The following DOCK4 variants were observed in gnomAD, a reference collection of about 807,000 sequenced individuals.
The protein encoded by DOCK4 is dedicator of cytokinesis 4, also known as dedicator of cytokinesis protein 4.
A neutral mutation model predicts 268.1 loss-of-function variants in DOCK4; 97 were observed. That is an observed-to-expected ratio of 0.36 (90% CI 0.31 to 0.43). The LOEUF is 0.43. Among genes scored for constraint, DOCK4 ranks in the 20% least tolerant of loss-of-function variants. The probability of loss-of-function intolerance (pLI) is 1.00; values close to 1 mark genes in which losing one functional copy is unlikely to be tolerated. For missense variants in DOCK4, 2,145 were observed against 2,455.7 expected (o/e 0.87, Z 2.67); for synonymous variants, 954 against 887.2 (o/e 1.08, Z -1.34).
chr7:111,876,619 A>C lies in DOCK4; in HGVS notation c.1744+411T>G, dbSNP rs531481077. 3.9e-5 allele frequency among the ~76,000 whole-genome samples: 6 copies of C among 152,322 alleles called. No homozygotes were observed. The East Asian group carries it at 1.2e-3, about 29-fold the overall frequency. ...CATAACTTGCTAAACAATCACTGACATAAAAAGTAATGCTAGAACTGAAAA... is the reference window on the plus strand; with the variant it reads ...CATAACTTGCTAAACAATCACTGACCTAAAAAGTAATGCTAGAACTGAAAA... On this transcript the variant is annotated intron_variant, in intron 17 of 52. Transcript: ENST00000428084.
chr7:111,789,100 A>G (rs1799365874), intron 31 of DOCK4: 1 of 275,294 alleles, frequency 3.6e-6, no homozygotes, highest in Non-Finnish European at 7.1e-6. Flanking sequence ...AAACATCACT[A>G]TATATAAGGA....
intron 1 of DOCK4, among the ~76,000 whole-genome samples, chr7:112,200,926 T>A (rs1820881670): frequency 6.6e-6 from 1 of 152,126 alleles, no homozygotes; most frequent in Admixed American, 6.6e-5. Context: ...GGTATTTTAC[T>A]GGGAGGTATA....
chr7:111,934,140 A>G (rs1419907679), intron 12 of DOCK4, among the ~76,000 whole-genome samples: 1 of 152,228 alleles, frequency 6.6e-6, no homozygotes, highest in Non-Finnish European at 1.5e-5. Context: ...GTTTCTTTAT[A>G]TCGATTAAAG....
At chr7:112,097,957 T>C (rs182688809) in intron 1 of DOCK4, among the ~76,000 whole-genome samples, 1 of 152,338 alleles carries the variant, frequency 6.6e-6, no homozygotes, top group East Asian at 1.9e-4. Flanking sequence ...CAGTGGTATA[T>C]ACAAATAGTA....
At chr7:112,175,817 C>CTT (rs11377765) in intron 1 of DOCK4, among the ~76,000 whole-genome samples, 27 of 152,114 alleles carry the variant, frequency 1.8e-4, no homozygotes, top group African/African-American at 6.0e-4. Context: ...CCCCCATCCC[C>CTT]TTTTTAATCT....
chr7:112,142,627 T>A (rs898499712), intron 1 of DOCK4, among the ~76,000 whole-genome samples: 3 of 152,178 alleles, frequency 2.0e-5, no homozygotes, highest in Admixed American at 6.6e-5. Context: ...ATCCCCAGAG[T>A]GCCTACCACT....
At chr7:111,797,760 T>C (rs192599801) in intron 30 of DOCK4, among the ~76,000 whole-genome samples, 76 of 152,272 alleles carry the variant, frequency 5.0e-4, no homozygotes, top group African/African-American at 1.8e-3. Context: ...CTGTCTATAA[T>C]AGACCAAAAG....
chr7:112,017,307 T>G (rs964629539), intron 1 of DOCK4, among the ~76,000 whole-genome samples: 1 of 152,236 alleles, frequency 6.6e-6, no homozygotes, highest in Non-Finnish European at 1.5e-5. Context: ...TTACAAAGGA[T>G]TTACATTTTG....
At chr7:112,003,170 C>G (rs778868316) in intron 2 of DOCK4, among the ~76,000 whole-genome samples, 5 of 151,874 alleles carry the variant, frequency 3.3e-5, no homozygotes, top group Non-Finnish European at 5.9e-5. Context: ...CACTTGAGGC[C>G]AAGAGTTTGA....
At chr7:111,926,167 A>AG (rs1793633228) in intron 12 of DOCK4, among the ~76,000 whole-genome samples, 2 of 145,806 alleles carry the variant, frequency 1.4e-5, no homozygotes, top group African/African-American at 2.6e-5. Flanking sequence ...AGAAAGAAAA[A>AG]GAAGGAAGGA....
At chr7:111,876,530 C>A (rs1212558719) in intron 17 of DOCK4, among the ~76,000 whole-genome samples, 2 of 152,096 alleles carry the variant, frequency 1.3e-5, no homozygotes, top group African/African-American at 4.8e-5. Flanking sequence ...GTTTAATTTA[C>A]TTCCTTCATT....
intron 1 of DOCK4, among the ~76,000 whole-genome samples, chr7:112,170,183 G>A (rs1378940037): frequency 6.6e-6 from 1 of 152,186 alleles, no homozygotes; most frequent in Non-Finnish European, 1.5e-5. Flanking sequence ...GTCGGGCACA[G>A]TGACCACCGG....
At chr7:112,094,930 C>G (rs1809972591) in intron 1 of DOCK4, among the ~76,000 whole-genome samples, 1 of 152,160 alleles carries the variant, frequency 6.6e-6, no homozygotes, top group South Asian at 2.1e-4. Flanking sequence ...CATGAGGCCT[C>G]CCCAGAAGCA....
At chr7:112,157,423 G>C (rs2189287) in intron 1 of DOCK4, among the ~76,000 whole-genome samples, 104,923 of 152,060 alleles carry the variant, frequency 0.69, 36,486 homozygotes, top group East Asian at 0.85. Flanking sequence ...ACATTTTAAG[G>C]GTTAAAAGAA....
intron 23 of DOCK4, among the ~76,000 whole-genome samples, chr7:111,861,811 G>A (rs928634286): frequency 6.0e-5 from 9 of 150,198 alleles, no homozygotes; most frequent in African/African-American, 2.2e-4. Context: ...GACATACAAT[G>A]TACTGTTATC....
At chr7:111,830,434 A>G (rs1235757461) in intron 26 of DOCK4, among the ~76,000 whole-genome samples, 2 of 151,806 alleles carry the variant, frequency 1.3e-5, no homozygotes, top group Non-Finnish European at 2.9e-5. Context: ...TCAAAACAAA[A>G]CAAAACAAAA....
Position 111,876,973 on chromosome 7 carries a change from C to T in DOCK4, c.1744+57G>A, listed in dbSNP as rs969536483. 30 of 1,302,102 alleles carry T rather than the reference C, an allele frequency of 2.3e-5. No individual in the cohort carries two copies. The Admixed American group carries it at 8.3e-4, about 36-fold the overall frequency. The allele number at this position is 1,302,102 out of a possible 1,614,324, so 80.7% of individuals were successfully genotyped here. ...CTTTGGTGTTTACTGAATATGCTTA[C>T]CAAAATATACATGATTATTAGGTAC... is the stretch of plus-strand genomic sequence containing the variant. On this transcript the variant is annotated intron_variant, in intron 17 of 52. Coordinates refer to ENST00000428084, the MANE Select transcript of DOCK4 (RefSeq NM_001363540.2).
Position 112,176,068 on chromosome 7 carries a change from G to A in DOCK4, c.37+30034C>T, listed in dbSNP as rs192938287. 2.2e-3 allele frequency among the ~76,000 whole-genome samples: 332 copies of A among 152,284 alleles called. 4 individuals are homozygous for A. Among genetic ancestry groups the A allele is most frequent in the Admixed American group, 6.5e-3 (99 of 15,292 alleles). The stretch of plus-strand genomic sequence containing the variant: ...AAAAGTATTTGTTATCCTGTCATCA[G>A]AGTCATTAATTTTCATCAACCAACA... On this transcript the variant is annotated intron_variant, in intron 1 of 52. Coordinates refer to ENST00000428084, the MANE Select transcript of DOCK4 (RefSeq NM_001363540.2).
chr7:111,891,466 G>T (rs762142215), intron 16 of DOCK4, among the ~76,000 whole-genome samples: 2 of 152,000 alleles, frequency 1.3e-5, no homozygotes, highest in Non-Finnish European at 2.9e-5. Context: ...CACTGTACGG[G>T]TATAACTAAA....
Sources: gnomAD v4.1 joint callset for allele counts (sites outside exome capture counted in the v4.1 genomes callset) on GRCh38, gnomAD v4.1.1 for gene constraint, MANE v1.5 for transcripts, NCBI Gene and HGNC (gene_info 2026-07-23, HGNC 2026-07-21) for gene names.